The following GLCCI1 variants were observed in gnomAD, a reference collection of about 807,000 sequenced individuals.
The protein encoded by GLCCI1 is glucocorticoid-induced transcript 1 protein.
Under a neutral mutation model 52.2 loss-of-function variants are expected in GLCCI1, and 24 were observed. That is an observed-to-expected ratio of 0.46 (90% CI 0.33 to 0.65). The LOEUF (loss-of-function observed/expected upper bound fraction) is 0.65, where lower values mean the gene tolerates loss of function less well. Among genes scored for constraint, GLCCI1 ranks in the 30% least tolerant of loss-of-function variants. The probability of loss-of-function intolerance (pLI) is 0.02; values close to 1 mark genes in which losing one functional copy is unlikely to be tolerated. For missense variants in GLCCI1, 704 were observed against 701.5 expected (o/e 1.00, Z -0.04); for synonymous variants, 310 against 276.5 (o/e 1.12, Z -1.20).
chr7:8,021,044 A>G (rs1393181148), intron 2 of GLCCI1, among the ~76,000 whole-genome samples: 1 of 152,176 alleles, frequency 6.6e-6, no homozygotes, highest in Non-Finnish European at 1.5e-5. Flanking sequence ...TTGACTTAAA[A>G]ACTTCTTTTT....
chr7:8,026,160 T>C (rs1781615343), intron 3 of GLCCI1, among the ~76,000 whole-genome samples: 3 of 152,180 alleles, frequency 2.0e-5, no homozygotes, highest in Non-Finnish European at 4.4e-5. Flanking sequence ...TTATAGTTTC[T>C]ATTTGACTGA....
At chr7:7,998,054 T>TA (rs1485299559) in intron 1 of GLCCI1, among the ~76,000 whole-genome samples, 1 of 151,936 alleles carries the variant, frequency 6.6e-6, no homozygotes, top group Non-Finnish European at 1.5e-5. Flanking sequence ...ATTAAATTAT[T>TA]AAAATCTACA....
At chr7:8,051,793 C>T (rs1782263826) in intron 3 of GLCCI1, among the ~76,000 whole-genome samples, 1 of 152,160 alleles carries the variant, frequency 6.6e-6, no homozygotes, top group Admixed American at 6.5e-5. Flanking sequence ...AGTACCTGTT[C>T]AAGTCTTTTG....
intron 1 of GLCCI1, among the ~76,000 whole-genome samples, chr7:7,976,971 G>A (rs73049252): frequency 0.037 from 5,596 of 150,940 alleles, 145 homozygotes; most frequent in Non-Finnish European, 0.057. Context: ...GATGTGTTTC[G>A]TAATGAAAAG....
At chr7:7,986,080 A>G (rs1780722239) in intron 1 of GLCCI1, among the ~76,000 whole-genome samples, 2 of 152,146 alleles carry the variant, frequency 1.3e-5, no homozygotes, top group African/African-American at 4.8e-5. Flanking sequence ...TATTTTGCTC[A>G]TGGTTTTTAT....
chr7:8,045,963 C>A (rs1422061799), intron 3 of GLCCI1, among the ~76,000 whole-genome samples: 56 of 144,464 alleles, frequency 3.9e-4, no homozygotes, highest in Middle Eastern at 3.5e-3. Flanking sequence ...ACCACAATTC[C>A]AAAAAAAAAA....
In GLCCI1 at chr7:8,035,908, T is replaced by C. The variant is rs547490686; in HGVS notation, c.696+13339T>C. 1.3e-5 allele frequency among the ~76,000 whole-genome samples: 2 copies of C among 152,282 alleles called. 1 individual carries two copies. The highest frequency in any genetic ancestry group is 6.8e-3 in the Middle Eastern group (2 of 294). On this transcript the variant is annotated intron_variant, in intron 3 of 7. Transcript: ENST00000223145. Reference sequence around the variant, plus strand: ...TCAGGGCTAGTGATTGTGTCCACCATTGGAGTATTGAAGAGCAGGCTTGGT... The same window carrying C: ...TCAGGGCTAGTGATTGTGTCCACCACTGGAGTATTGAAGAGCAGGCTTGGT...
rs569359124 is a variant in GLCCI1 at position 8,086,569 on chromosome 7, C to A, written c.*31C>A. On this transcript the variant is annotated 3_prime_UTR_variant, in exon 8 of 8. Coordinates refer to ENST00000223145, the MANE Select transcript of GLCCI1 (RefSeq NM_138426.4). This position sits in a 1 kb window ranked among gnomAD's most constrained non-coding sequence, Gnocchi z 4.4. ...GGGGAGCTGGCCTCCACCCTATGTTCCATGGATTCGGAACAAGATTTCAGA... is the reference window on the plus strand; with the variant it reads ...GGGGAGCTGGCCTCCACCCTATGTTACATGGATTCGGAACAAGATTTCAGA... The A allele has an allele frequency of 1.7e-5, 26 of 1,510,804 alleles. No homozygotes were observed. The highest frequency in any genetic ancestry group is 1.3e-4 in the South Asian group (10 of 76,996). 93.6% of individuals were successfully genotyped at this position (1,510,804 alleles called of 1,614,324 possible).
chr7:7,990,296 A>G (rs1780812330), intron 1 of GLCCI1, among the ~76,000 whole-genome samples: 2 of 152,126 alleles, frequency 1.3e-5, no homozygotes, highest in African/African-American at 4.8e-5. Context: ...TAAATACAGT[A>G]AACACTAAAA....
intron 4 of GLCCI1, among the ~76,000 whole-genome samples, chr7:8,058,778 T>G (rs138317625): frequency 6.6e-6 from 1 of 152,326 alleles, no homozygotes; most frequent in East Asian, 1.9e-4. Flanking sequence ...TTGACCCTCA[T>G]GCAGTTGAAA....
Position 8,021,203 on chromosome 7 carries a change from G to A in GLCCI1, c.610-1280G>A, listed in dbSNP as rs112550737. ...TTTTGAACTGTAAAATAGAACTGAT[G>A]ACTTCTTCATAAGAACTTACATATT... On this transcript the variant is annotated intron_variant, in intron 2 of 7. Coordinates refer to ENST00000223145, the MANE Select transcript of GLCCI1 (RefSeq NM_138426.4). Among the ~76,000 whole-genome samples the A allele has an allele frequency of 2.6e-4, 39 of 152,218 alleles. 1 individual carries two copies. Among genetic ancestry groups the A allele is most frequent in the African/African-American group, 5.8e-4 (24 of 41,542 alleles).
At chr7:8,048,091 AT>A (rs1365089201) in intron 3 of GLCCI1, among the ~76,000 whole-genome samples, 1 of 152,156 alleles carries the variant, frequency 6.6e-6, no homozygotes, top group Non-Finnish European at 1.5e-5. Flanking sequence ...TGGAATAGAA[AT>A]GTTCCTACTT....
Position 8,070,885 on chromosome 7 carries a change from C to A in GLCCI1, c.967-36C>A, listed in dbSNP as rs746280093. 8 of 1,551,614 alleles carry A rather than the reference C, an allele frequency of 5.2e-6. No individual in the cohort carries two copies. The African/African-American group carries it at 1.1e-4, about 21-fold the overall frequency. ...CTTTCTATGTAGATGAATATATGCA[C>A]CAGCATTTGGATGTTTAATGGTATT... is the stretch of plus-strand genomic sequence containing the variant. On this transcript the variant is annotated intron_variant, in intron 5 of 7. Coordinates refer to ENST00000223145, the MANE Select transcript of GLCCI1 (RefSeq NM_138426.4).
At chr7:8,075,868 C>T (rs1165067581) in intron 6 of GLCCI1, among the ~76,000 whole-genome samples, 1 of 152,116 alleles carries the variant, frequency 6.6e-6, no homozygotes, top group Non-Finnish European at 1.5e-5. Flanking sequence ...TAGAGTTTCC[C>T]AAGCCAATGC....
At position 7,970,439 on chromosome 7, in the gene GLCCI1, T is replaced by G. The variant is rs1435983847; in HGVS notation, c.457+632T>G. 2.2e-5 allele frequency: 3 copies of G among 138,094 alleles called. No individual in the cohort carries two copies. The East Asian group carries it at 6.7e-4, about 31-fold the overall frequency. The allele number at this position is 138,094 out of a possible 1,614,324, so 8.6% of individuals were successfully genotyped here. A position where few individuals can be genotyped will look rare whatever the true frequency, so the allele number is the denominator to read the frequency against. On this transcript the variant is annotated intron_variant, in intron 1 of 7. Coordinates refer to ENST00000223145, the MANE Select transcript of GLCCI1 (RefSeq NM_138426.4). ...CTCCCTCTCTTTCTCCCCCTCCCCT[T>G]TATATATTCATGCATCAGAGCACTC...
intron 3 of GLCCI1, among the ~76,000 whole-genome samples, chr7:8,024,519 G>T (rs929539685): frequency 2.6e-5 from 4 of 152,144 alleles, no homozygotes; most frequent in African/African-American, 9.7e-5. Context: ...AGGAAGTAAC[G>T]CCAGATATTA....
intron 6 of GLCCI1, among the ~76,000 whole-genome samples, chr7:8,071,947 C>G (rs1166174043): frequency 6.6e-6 from 1 of 152,120 alleles, no homozygotes; most frequent in African/African-American, 2.4e-5. Flanking sequence ...TTTTATGGTC[C>G]TTGTTCTGAA....
chr7:8,063,870 C>T (rs1168760521), intron 5 of GLCCI1, among the ~76,000 whole-genome samples: 1 of 152,084 alleles, frequency 6.6e-6, no homozygotes, highest in Non-Finnish European at 1.5e-5. Flanking sequence ...ATCCTCTTGC[C>T]TGGGCCTCCC....
intron 2 of GLCCI1, among the ~76,000 whole-genome samples, chr7:8,014,796 C>T: frequency 6.6e-6 from 1 of 152,180 alleles, no homozygotes; most frequent in South Asian, 2.1e-4. Flanking sequence ...CTTGTATTCT[C>T]TGAGAGGTGA....
Sources: allele counts gnomAD v4.1 joint callset (sites outside exome capture counted in the v4.1 genomes callset), GRCh38; gene constraint gnomAD v4.1.1; non-coding constraint Gnocchi (gnomAD v3.1); transcripts MANE v1.5; gene names NCBI Gene and HGNC (gene_info 2026-07-23, HGNC 2026-07-21).